The following MFSD2A variants were observed in gnomAD, a reference collection of about 807,000 sequenced individuals.
MFSD2A encodes sodium-dependent lysophosphatidylcholine symporter 1.
A neutral mutation model predicts 64.7 loss-of-function variants in MFSD2A; 27 were observed. The observed-to-expected ratio is 0.42, with a 90% CI of 0.31 to 0.58. MFSD2A has a LOEUF of 0.58. Among genes scored for constraint, MFSD2A ranks in the 20% least tolerant of loss-of-function variants. The pLI is 0.18. For missense variants in MFSD2A, 474 were observed against 679.5 expected (o/e 0.70, Z 3.36); for synonymous variants, 258 against 273.4 (o/e 0.94, Z 0.55).
chr1:39,958,622 G>T lies in MFSD2A; in HGVS notation c.229-79G>T, dbSNP rs1644974127. Reference sequence around the variant, plus strand: ...AGATCCTGGCTGAGATAGGGAGGGAGCCTCTGCTTCTGCCTACCAGTGAGA... The same window carrying T: ...AGATCCTGGCTGAGATAGGGAGGGATCCTCTGCTTCTGCCTACCAGTGAGA... On this transcript the variant is annotated intron_variant, in intron 2 of 13. Transcript: ENST00000372811. The surrounding 1 kb of genome is among the most constrained non-coding windows in gnomAD (Gnocchi z 4.7). 1.2e-6 allele frequency: 2 copies of T among 1,612,890 alleles called. No individual in the cohort carries two copies. Among genetic ancestry groups the T allele is most frequent in the Admixed American group, 1.7e-5 (1 of 59,966 alleles).
Position 39,965,144 on chromosome 1 carries a change from C to A in MFSD2A, c.354-67C>A. On this transcript the variant is annotated intron_variant, in intron 3 of 13. Transcript: ENST00000372811. This position sits in a 1 kb window ranked among gnomAD's most constrained non-coding sequence, Gnocchi z 5.5. ...CCTGTGGGGACCCTGTGAGGCACAG[C>A]AGACTGGGCTGGGCCTGGTCCTGGG... 3 of 1,602,016 alleles carry A rather than the reference C, an allele frequency of 1.9e-6. No individual in the cohort carries two copies. The highest frequency in any genetic ancestry group is 2.6e-6 in the Non-Finnish European group (3 of 1,173,660).
chr1:39,968,598 C>T lies in MFSD2A; in HGVS notation c.1382C>T (p.Ser461Leu), dbSNP rs754416084. 19 of 1,614,032 alleles carry T rather than the reference C, an allele frequency of 1.2e-5. No individual in the cohort carries two copies. The highest frequency in any genetic ancestry group is 2.2e-5 in the East Asian group (1 of 44,884). Residue 461 changes from serine to leucine, a missense_variant, in exon 13 of 14, where the codon TCG becomes TTG. Coordinates refer to ENST00000372811, the MANE Select transcript of MFSD2A (RefSeq NM_032793.5). The surrounding 1 kb of genome is among the most constrained non-coding windows in gnomAD (Gnocchi z 4.4). ...GCAGGGTACCAGACCCGTGGCTGCT[C>T]GCAGCCGGAACGTGTCAAGTTTACA... is the stretch of plus-strand genomic sequence containing the variant. ...DFAGYQTRGC[S>L]QPERVKFTLN...
intron 9 of MFSD2A, 88 bp from the exon 10 acceptor site, chr1:39,967,540 C>A: frequency 8.1e-7 from 1 of 1,232,060 alleles, no homozygotes; most frequent in Non-Finnish European, 1.2e-6. Flanking sequence ...TTGGGCAGGG[C>A]TGGGAGCCAC....
Position 39,955,242 on chromosome 1 carries a change from G to A in MFSD2A, c.-51G>A. 2 of 1,345,518 alleles carry A rather than the reference G, an allele frequency of 1.5e-6. No individual in the cohort carries two copies. The highest frequency in any genetic ancestry group is 1.9e-6 in the Non-Finnish European group (2 of 1,040,136). 83.3% of individuals were successfully genotyped at this position (1,345,518 alleles called of 1,614,324 possible). ...GCTTGGGAGGAGCAGCGGCCTGCGG[G>A]GCAGAGGAGCATCCCGTCTACCAGG... On this transcript the variant is annotated 5_prime_UTR_variant, in exon 1 of 14. Coordinates refer to ENST00000372811, the MANE Select transcript of MFSD2A (RefSeq NM_032793.5). The surrounding 1 kb of genome is among the most constrained non-coding windows in gnomAD (Gnocchi z 5.9).
chr1:39,957,236 C>CCTTCGAGGG lies in MFSD2A; in HGVS notation c.228+18_228+26dup, dbSNP rs767270999. The CCTTCGAGGG allele has an allele frequency of 3.9e-6, 6 of 1,536,006 alleles. No homozygotes were observed. In the South Asian group the frequency reaches 7.5e-5, roughly 19 times the overall value. On this transcript the variant is annotated intron_variant, in intron 2 of 13. Coordinates refer to ENST00000372811, the MANE Select transcript of MFSD2A (RefSeq NM_032793.5). ...ATGTGGCTCAGGTGAGTGGTCTAAG[C>CCTTCGAGGG]CTTCGAGGGCTCCTTCAGCATCCTG...
rs1553155784 is a variant in MFSD2A at position 39,967,044 on chromosome 1, C to A, written c.928-42C>A. ...TGGGGAGGCTCAGCCCCAACATCAC[C>A]TCCTTCCTTGCATTTCCTTCCCTAC... On this transcript the variant is annotated intron_variant, in intron 8 of 13. Transcript: ENST00000372811. 3 of 1,612,062 alleles carry A rather than the reference C, an allele frequency of 1.9e-6. No individual in the cohort carries two copies. In the Admixed American group the frequency reaches 5.0e-5, roughly 27 times the overall value.
At position 39,968,628 on chromosome 1, in the gene MFSD2A, A is replaced by G; in HGVS notation, c.1412A>G (p.Asn471Ser). 6.2e-7 allele frequency: 1 copy of G among 1,614,210 alleles called. No homozygotes were observed. Among genetic ancestry groups the G allele is most frequent in the Non-Finnish European group, 8.5e-7 (1 of 1,180,028 alleles). ...CCGGAACGTGTCAAGTTTACACTGA[A>G]CATGCTCGTGACCATGGCTCCCATA... ...SQPERVKFTLNMLVTMAPIVL... is the reference protein window; with the variant it reads ...SQPERVKFTLSMLVTMAPIVL... Residue 471 changes from asparagine to serine, a missense_variant, in exon 13 of 14, where the codon AAC (asparagine) becomes AGC (serine). By Grantham distance (46) the Asn-to-Ser change is conservative. Coordinates refer to ENST00000372811, the MANE Select transcript of MFSD2A (RefSeq NM_032793.5). This position sits in a 1 kb window ranked among gnomAD's most constrained non-coding sequence, Gnocchi z 4.4.
At chr1:39,966,578 A>C (rs201533627) in intron 6 of MFSD2A, 23 bp from the exon 7 acceptor site, 37 of 1,593,626 alleles carry the variant, frequency 2.3e-5, no homozygotes, top group African/African-American at 1.9e-4. Flanking sequence ...CCATCCTTGT[A>C]TGTCGCCTTC....
rs1335535877 is a variant in MFSD2A at position 39,966,965 on chromosome 1, G to T, written c.927+33G>T. 2.5e-6 allele frequency: 4 copies of T among 1,613,380 alleles called. No individual in the cohort carries two copies. In the Admixed American group the frequency reaches 6.7e-5, roughly 27 times the overall value. ...GGTTCTGACATGCTCAGCCTGAGAAGGAGGTGTAATGGGAGCGGGGTGAGC... is the reference window on the plus strand; with the variant it reads ...GGTTCTGACATGCTCAGCCTGAGAATGAGGTGTAATGGGAGCGGGGTGAGC... On this transcript the variant is annotated intron_variant, in intron 8 of 13. Coordinates refer to ENST00000372811, the MANE Select transcript of MFSD2A (RefSeq NM_032793.5).
chr1:39,962,613 G>C (rs1007297452), intron 3 of MFSD2A: 17 of 803,720 alleles, frequency 2.1e-5, no homozygotes, highest in Admixed American at 1.8e-4. Flanking sequence ...GGGGAACTCT[G>C]GTGCCTTCCG....
chr1:39,958,957 G>A lies in MFSD2A; in HGVS notation c.353+132G>A. 9.0e-7 allele frequency: 1 copy of A among 1,109,330 alleles called. No individual in the cohort carries two copies. The highest frequency in any genetic ancestry group is 2.4e-5 in the Admixed American group (1 of 41,158). 68.7% of individuals were successfully genotyped at this position (1,109,330 alleles called of 1,614,324 possible). ...AAGGAGTTAAAAGCCCAAGGGTGTTGAAACCCCATCCGAGGCATCAGCTAC... is the reference window on the plus strand; with the variant it reads ...AAGGAGTTAAAAGCCCAAGGGTGTTAAAACCCCATCCGAGGCATCAGCTAC... On this transcript the variant is annotated intron_variant, in intron 3 of 13. Coordinates refer to ENST00000372811, the MANE Select transcript of MFSD2A (RefSeq NM_032793.5). The surrounding 1 kb of genome is among the most constrained non-coding windows in gnomAD (Gnocchi z 4.7).
intron 11 of MFSD2A, 82 bp downstream of exon 11, chr1:39,967,998 C>A: frequency 2.4e-6 from 2 of 847,216 alleles, no homozygotes; most frequent in Non-Finnish European, 3.7e-6. Flanking sequence ...GAGTTCTATG[C>A]AGTGTTCTCC....
Position 39,969,677 on chromosome 1 carries a change from A to G in MFSD2A, c.*109A>G. ...CTGCAGGTGCTAGGAAGGGAACTGA[A>G]GACTCAAGGAGGTGGCCCAGGACAC... On this transcript the variant is annotated 3_prime_UTR_variant, in exon 14 of 14. Coordinates refer to ENST00000372811, the MANE Select transcript of MFSD2A (RefSeq NM_032793.5). 1 of 1,091,542 alleles carries G rather than the reference A, an allele frequency of 9.2e-7. No individual in the cohort carries two copies. 67.6% of individuals were successfully genotyped at this position (1,091,542 alleles called of 1,614,324 possible). A position where few individuals can be genotyped will look rare whatever the true frequency, so the allele number is the denominator to read the frequency against.
intron 3 of MFSD2A, among the ~76,000 whole-genome samples, chr1:39,961,921 G>A (rs1279116471): frequency 8.5e-5 from 13 of 152,234 alleles, no homozygotes; most frequent in African/African-American, 3.1e-4. Flanking sequence ...CTGGACCTGA[G>A]GTCTCCTTCC....
At chr1:39,966,042 G>A (rs761413288) in intron 6 of MFSD2A, 28 bp downstream of exon 6, 6 of 1,612,548 alleles carry the variant, frequency 3.7e-6, no homozygotes, top group Non-Finnish European at 5.1e-6. Context: ...GCAGGGATTT[G>A]GGGAGATAAG....
Position 39,957,281 on chromosome 1 carries a change from C to A in MFSD2A, c.228+60C>A, listed in dbSNP as rs1570235372. On this transcript the variant is annotated intron_variant, in intron 2 of 13. Transcript: ENST00000372811. ...ATCCTGAGGTGGGAAAGACTATGCA[C>A]CCCTGGGTCAGTTCGCTCAGTTTTC... 4.1e-6 allele frequency: 6 copies of A among 1,472,342 alleles called. No individual in the cohort carries two copies. The East Asian group carries it at 1.2e-4, about 30-fold the overall frequency. 91.2% of individuals were successfully genotyped at this position (1,472,342 alleles called of 1,614,324 possible). A position where few individuals can be genotyped will look rare whatever the true frequency, so the allele number is the denominator to read the frequency against.
chr1:39,961,598 C>T (rs549195411), intron 3 of MFSD2A, among the ~76,000 whole-genome samples: 2 of 152,286 alleles, frequency 1.3e-5, no homozygotes, highest in African/African-American at 4.8e-5. Flanking sequence ...CTGCCCGCCT[C>T]GGCCTCCCAA....
At position 39,968,781 on chromosome 1, in the gene MFSD2A, A is replaced by G. The variant is rs1305662433; in HGVS notation, c.1529+36A>G. ...AGGGGACAGGATGCTGGAGGAGGGG[A>G]CGTCACTGTGTCTAAACCCTCAATT... On this transcript the variant is annotated intron_variant, in intron 13 of 13. Transcript: ENST00000372811. The surrounding 1 kb of genome is among the most constrained non-coding windows in gnomAD (Gnocchi z 4.4). 1.9e-6 allele frequency: 3 copies of G among 1,610,310 alleles called. No homozygotes were observed. Among genetic ancestry groups the G allele is most frequent in the Non-Finnish European group, 2.5e-6 (3 of 1,178,400 alleles).
At chr1:39,962,971 A>G in intron 3 of MFSD2A, 1 of 1,542,904 alleles carries the variant, frequency 6.5e-7, no homozygotes, top group African/African-American at 1.4e-5. Context: ...CTGGGTGTTA[A>G]GTGCTCCAAG....
Sources: allele counts gnomAD v4.1 joint callset (sites outside exome capture counted in the v4.1 genomes callset), GRCh38; gene constraint gnomAD v4.1.1; non-coding constraint Gnocchi (gnomAD v3.1); transcripts MANE v1.5; gene names NCBI Gene and HGNC (gene_info 2026-07-23, HGNC 2026-07-21).